Variants in ZNF804B observed in about 807,000 individuals in gnomAD.
ZNF804B encodes zinc finger protein 804B.
In ZNF804B, 80 loss-of-function variants were observed where a neutral mutation model predicts 101.4. That is an observed-to-expected ratio of 0.79 (90% CI 0.66 to 0.95). ZNF804B has a LOEUF of 0.95. ZNF804B is among the 40% of genes least tolerant of loss of function. ZNF804B has a pLI of 0.00. For missense variants in ZNF804B, 1,673 were observed against 1,561.9 expected (o/e 1.07, Z -1.20); for synonymous variants, 622 against 558.8 (o/e 1.11, Z -1.59).
intron 2 of ZNF804B, among the ~76,000 whole-genome samples, chr7:89,222,869 T>C (rs1193695406): frequency 6.6e-6 from 1 of 151,938 alleles, no homozygotes; most frequent in Non-Finnish European, 1.5e-5. Flanking sequence ...TAAAAAACAT[T>C]GGAATAATTA....
chr7:88,819,406 C>G (rs1318387269), intron 1 of ZNF804B, among the ~76,000 whole-genome samples: 1 of 152,168 alleles, frequency 6.6e-6, no homozygotes, highest in African/African-American at 2.4e-5. Context: ...GCTGGAATTA[C>G]AGGTGTGAGC....
At chr7:89,111,396 G>A (rs779142599) in intron 1 of ZNF804B, among the ~76,000 whole-genome samples, 5 of 152,158 alleles carry the variant, frequency 3.3e-5, no homozygotes, top group Non-Finnish European at 7.3e-5. Flanking sequence ...CCAGCATTTC[G>A]TGTCAGTGTT....
chr7:89,092,877 G>A (rs933581962), intron 1 of ZNF804B, among the ~76,000 whole-genome samples: 4 of 152,128 alleles, frequency 2.6e-5, no homozygotes, highest in Non-Finnish European at 5.9e-5. Context: ...TTGGAGGGTA[G>A]TATTAGAAAC....
chr7:89,318,498 T>C (rs1328026056), intron 2 of ZNF804B, among the ~76,000 whole-genome samples: 2 of 152,320 alleles, frequency 1.3e-5, no homozygotes, highest in African/African-American at 2.4e-5. Context: ...CACAATGGCT[T>C]ACACCTATAA....
chr7:89,093,513 T>A (rs1444924888), intron 1 of ZNF804B, among the ~76,000 whole-genome samples: 2 of 152,220 alleles, frequency 1.3e-5, no homozygotes, highest in Non-Finnish European at 2.9e-5. Context: ...GTTCTAGGTA[T>A]ATCAACAAAT....
intron 1 of ZNF804B, among the ~76,000 whole-genome samples, chr7:89,112,120 A>G (rs1412648515): frequency 8.8e-6 from 1 of 113,026 alleles, no homozygotes; most frequent in African/African-American, 4.4e-5. Context: ...AAAAAAAAAA[A>G]AAAGTTAAAA....
intron 1 of ZNF804B, among the ~76,000 whole-genome samples, chr7:89,015,264 T>C (rs1422183614): frequency 6.6e-6 from 1 of 152,082 alleles, no homozygotes; most frequent in Non-Finnish European, 1.5e-5. Context: ...GTAGTATATT[T>C]TGAAATCTGG....
At chr7:89,266,576 T>C (rs929609730) in intron 2 of ZNF804B, among the ~76,000 whole-genome samples, 1 of 152,180 alleles carries the variant, frequency 6.6e-6, no homozygotes, top group African/African-American at 2.4e-5. Flanking sequence ...GTTCAAGTAA[T>C]TCCAAAGTTC....
In ZNF804B at chr7:89,335,834, G is replaced by A. The variant is rs1179163449; in HGVS notation, c.2852G>A (p.Cys951Tyr). The stretch of plus-strand genomic sequence containing the variant: ...AATGTTGAGATCTCTTCAAACAGTT[G>A]TAAAAGTGAATTAGAGGCTCCTTCG... ...SSNVEISSNS[C>Y]KSELEAPSQV... Residue 951 changes from cysteine (C) to tyrosine (Y), a missense_variant, in exon 4 of 4, where the codon TGT becomes TAT. Transcript: ENST00000333190. 2 of 1,614,028 alleles carry A rather than the reference G, an allele frequency of 1.2e-6. No homozygotes were observed. Among genetic ancestry groups the A allele is most frequent in the South Asian group, 1.1e-5 (1 of 91,082 alleles).
intron 2 of ZNF804B, among the ~76,000 whole-genome samples, chr7:89,282,761 C>G (rs910999355): frequency 6.6e-6 from 1 of 152,062 alleles, no homozygotes; most frequent in Non-Finnish European, 1.5e-5. Flanking sequence ...TTTTCTGGTG[C>G]GATCATGGAG....
chr7:89,078,256 C>T (rs899827466), intron 1 of ZNF804B, among the ~76,000 whole-genome samples: 2 of 152,002 alleles, frequency 1.3e-5, no homozygotes, highest in Non-Finnish European at 2.9e-5. Context: ...GACTTGAGCA[C>T]TGCGGGAAAT....
At chr7:89,145,258 C>A (rs1428514641) in intron 1 of ZNF804B, among the ~76,000 whole-genome samples, 1 of 151,786 alleles carries the variant, frequency 6.6e-6, no homozygotes, top group African/African-American at 2.4e-5. Flanking sequence ...AATTAACTGA[C>A]AACTGAAAAG....
chr7:88,970,931 C>T (rs1002732652), intron 1 of ZNF804B, among the ~76,000 whole-genome samples: 3 of 149,026 alleles, frequency 2.0e-5, no homozygotes, highest in African/African-American at 5.0e-5. Context: ...AACAAACCTG[C>T]ATGTTGTGCA....
At chr7:89,288,316 G>A (rs1232403354) in intron 2 of ZNF804B, among the ~76,000 whole-genome samples, 1 of 152,068 alleles carries the variant, frequency 6.6e-6, no homozygotes, top group Admixed American at 6.6e-5. Context: ...CAGAAAGAAA[G>A]AAGAGAGAGA....
chr7:89,041,155 T>A (rs6962180), intron 1 of ZNF804B, among the ~76,000 whole-genome samples: 1 of 151,988 alleles, frequency 6.6e-6, no homozygotes, highest in African/African-American at 2.4e-5. Context: ...CCTCACACTG[T>A]GTCAGGCTTT....
intron 1 of ZNF804B, among the ~76,000 whole-genome samples, chr7:89,024,661 G>T (rs1367691886): frequency 1.3e-4 from 9 of 70,102 alleles, no homozygotes; most frequent in Admixed American, 3.7e-4. Flanking sequence ...TATCATTCTT[G>T]AAAAAAAAAA....
At chr7:89,117,740 A>G (rs1436147986) in intron 1 of ZNF804B, among the ~76,000 whole-genome samples, 1 of 152,204 alleles carries the variant, frequency 6.6e-6, no homozygotes, top group African/African-American at 2.4e-5. Flanking sequence ...TACTCATTAC[A>G]TATGTAACTA....
intron 1 of ZNF804B, among the ~76,000 whole-genome samples, chr7:89,011,510 G>A (rs1446898055): frequency 6.6e-6 from 1 of 152,100 alleles, no homozygotes; most frequent in African/African-American, 2.4e-5. Flanking sequence ...AAAATCAAAA[G>A]CAAGTTAGTT....
intron 1 of ZNF804B, among the ~76,000 whole-genome samples, chr7:89,043,577 A>T (rs1369315433): frequency 6.6e-6 from 1 of 152,218 alleles, no homozygotes; most frequent in African/African-American, 2.4e-5. Context: ...GTCATGGTTG[A>T]TGCTCACTGA....
Sources: gnomAD v4.1 joint callset for allele counts (sites outside exome capture counted in the v4.1 genomes callset) on GRCh38, gnomAD v4.1.1 for gene constraint, MANE v1.5 for transcripts, NCBI Gene and HGNC (gene_info 2026-07-23, HGNC 2026-07-21) for gene names.